RAPH1: variants seen among roughly 807,000 people sequenced by gnomAD.
RAPH1 encodes the protein ras-associated and pleckstrin homology domains-containing protein 1.
Under a neutral mutation model 88.1 loss-of-function variants are expected in RAPH1, and 18 were observed. The ratio of observed to expected loss-of-function variants is 0.20; its 90% CI spans 0.14 to 0.30. The LOEUF (loss-of-function observed/expected upper bound fraction) is 0.30, where lower values mean the gene tolerates loss of function less well. RAPH1 is among the 10% of genes least tolerant of loss of function. The pLI, the probability that RAPH1 is intolerant of heterozygous loss-of-function variation, is 1.00. For synonymous variants in RAPH1, 587 were observed against 559.0 expected (o/e 1.05, Z -0.71); for missense variants, 1,448 against 1,543.2 (o/e 0.94, Z 1.03).
rs568166885 is a variant in RAPH1, at chr2:203,526,582, G to A, written c.-1+8529C>T. On this transcript the variant is annotated intron_variant, in intron 1 of 13. Transcript: ENST00000319170. ...TCTACCAAAAATACAAAAATTAGCC[G>A]GGTGTGGTGATGGGCACCTGTAATC... 3.3e-5 allele frequency among the ~76,000 whole-genome samples: 5 copies of A among 151,686 alleles called. No individual in the cohort carries two copies. In the East Asian group the frequency reaches 5.9e-4, roughly 18 times the overall value.
Position 203,519,225 on chromosome 2 carries a change from A to C in RAPH1, c.-1+15886T>G, listed in dbSNP as rs557842054. On this transcript the variant is annotated intron_variant, in intron 1 of 13. Coordinates refer to ENST00000319170, the MANE Select transcript of RAPH1 (RefSeq NM_213589.3). ...AAAACTATAAACCATTATCTCATGA[A>C]CATAGATGCAAAAATCCTCAACAAC... Among the ~76,000 whole-genome samples, 4 of 152,352 alleles carry C rather than the reference A, an allele frequency of 2.6e-5. 1 individual carries two copies. The highest frequency in any genetic ancestry group is 2.6e-4 in the Admixed American group (4 of 15,304).
At chr2:203,471,154 GA>G (rs1361635810) in intron 4 of RAPH1, among the ~76,000 whole-genome samples, 2 of 152,140 alleles carry the variant, frequency 1.3e-5, no homozygotes, top group East Asian at 3.9e-4. Flanking sequence ...GGCCTCTCAT[GA>G]AAAAATTCCA....
At chr2:203,523,398 A>G (rs1689980535) in intron 1 of RAPH1, among the ~76,000 whole-genome samples, 1 of 151,478 alleles carries the variant, frequency 6.6e-6, no homozygotes, top group Non-Finnish European at 1.5e-5. Flanking sequence ...GTCTCAAAAA[A>G]AAAAAAAAAC....
chr2:203,515,332 G>A (rs1269132032), intron 1 of RAPH1, among the ~76,000 whole-genome samples: 2 of 152,192 alleles, frequency 1.3e-5, no homozygotes, highest in African/African-American at 2.4e-5. Flanking sequence ...TGTAAAAAGA[G>A]AAGGGGATTT....
chr2:203,459,736 C>T (rs962650628), intron 7 of RAPH1, among the ~76,000 whole-genome samples, 171 bp downstream of exon 7: 1 of 152,166 alleles, frequency 6.6e-6, no homozygotes, highest in African/African-American at 2.4e-5. Flanking sequence ...AGCTGACTTT[C>T]CACCTCAGCA....
chr2:203,455,701 G>C (rs1013231335), intron 8 of RAPH1, 121 bp from the exon 9 acceptor site: 111 of 903,348 alleles, frequency 1.2e-4, no homozygotes, highest in Non-Finnish European at 2.7e-5. Context: ...TTAAAACCAA[G>C]CTGCTAATTT....
At chr2:203,490,763 C>T (rs1416945217) in intron 3 of RAPH1, among the ~76,000 whole-genome samples, 1 of 152,102 alleles carries the variant, frequency 6.6e-6, no homozygotes, top group African/African-American at 2.4e-5. Context: ...AATTTAAGGG[C>T]TGGACGCAGT....
At chr2:203,487,160 T>C (rs972065177) in intron 4 of RAPH1, among the ~76,000 whole-genome samples, 1 of 152,196 alleles carries the variant, frequency 6.6e-6, no homozygotes, top group African/African-American at 2.4e-5. Flanking sequence ...CCTTAATGAT[T>C]AGTTTATAAC....
At chr2:203,499,124 C>T (rs571162716) in intron 1 of RAPH1, among the ~76,000 whole-genome samples, 1 of 152,294 alleles carries the variant, frequency 6.6e-6, no homozygotes, top group East Asian at 1.9e-4. Flanking sequence ...CATTAAATGA[C>T]ACATGACTGT....
intron 10 of RAPH1, among the ~76,000 whole-genome samples, chr2:203,454,212 A>G (rs538997224): frequency 1.3e-5 from 2 of 152,300 alleles, no homozygotes; most frequent in South Asian, 4.1e-4. Context: ...CAAAGCTTAC[A>G]ATCTAATATT....
intron 1 of RAPH1, among the ~76,000 whole-genome samples, chr2:203,504,097 G>A (rs1245096948): frequency 1.3e-5 from 2 of 152,180 alleles, no homozygotes; most frequent in African/African-American, 4.8e-5. Context: ...CAAGCTGTCT[G>A]TAGATCTACC....
chr2:203,531,088 G>T (rs937895673), intron 1 of RAPH1, among the ~76,000 whole-genome samples: 1 of 151,986 alleles, frequency 6.6e-6, no homozygotes, highest in East Asian at 1.9e-4. Context: ...ATCCCAAATG[G>T]ATCAAAGACC....
intron 1 of RAPH1, among the ~76,000 whole-genome samples, chr2:203,522,912 A>AG (rs1559504554): frequency 2.0e-5 from 3 of 151,028 alleles, no homozygotes; most frequent in Admixed American, 6.6e-5. Context: ...AAAAAAAAAA[A>AG]AAAAGAAAAA....
intron 2 of RAPH1, among the ~76,000 whole-genome samples, chr2:203,493,092 C>T (rs534456538): frequency 3.3e-5 from 5 of 152,296 alleles, no homozygotes; most frequent in Admixed American, 2.6e-4. Context: ...TCAAACATCT[C>T]TTGAAAATGT....
At chr2:203,464,860 A>G (rs957246577) in intron 4 of RAPH1, among the ~76,000 whole-genome samples, 2 of 152,246 alleles carry the variant, frequency 1.3e-5, no homozygotes, top group African/African-American at 4.8e-5. Context: ...ATACCTCACT[A>G]AAGAAGACAG....
intron 2 of RAPH1, among the ~76,000 whole-genome samples, chr2:203,491,699 G>T (rs1337216270): frequency 4.6e-5 from 7 of 152,000 alleles, no homozygotes; most frequent in Non-Finnish European, 1.0e-4. Context: ...GTAGAGACAG[G>T]GTGTCACCAT....
At chr2:203,441,785 C>T (rs2098504463) in intron 13 of RAPH1, 1 of 1,283,528 alleles carries the variant, frequency 7.8e-7, no homozygotes, top group Admixed American at 3.8e-5. Context: ...CCTCTGAGCA[C>T]TGGACTTCCA....
chr2:203,484,763 T>G (rs1687887809), intron 4 of RAPH1, among the ~76,000 whole-genome samples: 1 of 152,208 alleles, frequency 6.6e-6, no homozygotes, highest in Non-Finnish European at 1.5e-5. Flanking sequence ...AAGCAGCTAA[T>G]TCTCAGATTC....
In RAPH1 at chr2:203,441,164, C is replaced by T. The variant is rs767105968; in HGVS notation, c.2026G>A (p.Ala676Thr). Residue 676 changes from alanine to threonine, a missense_variant, in exon 14 of 14, where the codon GCG (alanine) becomes ACG (threonine). Physicochemically the swap from Ala to Thr is moderately conservative, Grantham distance 58. Coordinates refer to ENST00000319170, the MANE Select transcript of RAPH1 (RefSeq NM_213589.3). ...AACAGGGCCCCTGAATGCTGAGACG[C>T]ATTCTGTAGCCGTGTTATTGTGCTG... ...KYSTITRLQN[A>T]SQHSGALFKP... 6.2e-7 allele frequency: 1 copy of T among 1,611,888 alleles called. No individual in the cohort carries two copies. The highest frequency in any genetic ancestry group is 1.7e-5 in the Admixed American group (1 of 59,822).
Sources: gnomAD v4.1 joint callset for allele counts (sites outside exome capture counted in the v4.1 genomes callset) on GRCh38, gnomAD v4.1.1 for gene constraint, MANE v1.5 for transcripts, NCBI Gene and HGNC (gene_info 2026-07-23, HGNC 2026-07-21) for gene names.